The following ZDHHC13 variants were observed in gnomAD, a reference collection of about 807,000 sequenced individuals.
The protein encoded by ZDHHC13 is palmitoyltransferase ZDHHC13.
In ZDHHC13, 85 loss-of-function variants were observed where a neutral mutation model predicts 86.0. The observed-to-expected ratio is 0.99, with a 90% CI of 0.83 to 1.18. The LOEUF is 1.18. ZDHHC13 is among the 50% of genes most tolerant of loss of function. ZDHHC13 has a pLI of 0.00. For synonymous variants in ZDHHC13, 263 were observed against 246.4 expected (o/e 1.07, Z -0.63); for missense variants, 711 against 730.2 (o/e 0.97, Z 0.30).
At chr11:19,132,761 G>GTTTTTT (rs1223465469) in intron 1 of ZDHHC13, among the ~76,000 whole-genome samples, 36 of 152,110 alleles carry the variant, frequency 2.4e-4, no homozygotes, top group African/African-American at 8.4e-4. Flanking sequence ...TATTTGTTTT[G>GTTTTTT]TTTTGTTTTT....
intron 1 of ZDHHC13, among the ~76,000 whole-genome samples, chr11:19,118,324 A>T (rs976181968): frequency 6.6e-6 from 1 of 152,130 alleles, no homozygotes; most frequent in African/African-American, 2.4e-5. Context: ...TTTCAGCACG[A>T]TCTTGTGTAG....
chr11:19,165,200 T>C (rs557206885), intron 13 of ZDHHC13, 55 bp downstream of exon 13: 1 of 1,538,170 alleles, frequency 6.5e-7, no homozygotes, highest in East Asian at 2.4e-5. Context: ...TGTTTAGTTA[T>C]GACTCACAGA....
At chr11:19,174,879 A>C (rs1404984848) in intron 16 of ZDHHC13, among the ~76,000 whole-genome samples, 2 of 152,212 alleles carry the variant, frequency 1.3e-5, no homozygotes, top group Non-Finnish European at 2.9e-5. Context: ...AGATGCACAG[A>C]GGAGCTAGAA....
At chr11:19,168,975 T>A (rs1850146249) in intron 14 of ZDHHC13, 1 of 985,432 alleles carries the variant, frequency 1.0e-6, no homozygotes, top group Non-Finnish European at 1.2e-6. Context: ...TGATGTGAGT[T>A]CCCTACCATT....
Position 19,117,272 on chromosome 11 carries a change from C to T in ZDHHC13, c.23C>T (p.Ser8Leu), listed in dbSNP as rs912261414. The T allele has an allele frequency of 2.7e-6, 4 of 1,485,418 alleles. No individual in the cohort carries two copies. Among genetic ancestry groups the T allele is most frequent in the Admixed American group, 4.4e-5 (2 of 45,454 alleles). 92.0% of individuals were successfully genotyped at this position (1,485,418 alleles called of 1,614,324 possible). Residue 8 changes from serine to leucine, a missense_variant, in exon 1 of 17, where the codon TCG becomes TTG. Ser to Leu is a moderately radical substitution (Grantham distance 145). Coordinates refer to ENST00000446113, the MANE Select transcript of ZDHHC13 (RefSeq NM_019028.3). The surrounding 1 kb of genome is among the most constrained non-coding windows in gnomAD (Gnocchi z 4.2). ...GAGATGGAGGGGCCGGGGCTGGGCT[C>T]GCAGGTGAGTGCGGCCGGGCGGTGG... is the stretch of plus-strand genomic sequence containing the variant. The part of the protein sequence containing the change: MEGPGLG[S>L]QCRNHSHGPH...
At chr11:19,167,472 C>T (rs1850103360) in intron 14 of ZDHHC13, 1 of 152,162 alleles carries the variant, frequency 6.6e-6, no homozygotes, top group African/African-American at 2.4e-5. Flanking sequence ...CCCAGTTTCC[C>T]TCCCTAGAAA....
At chr11:19,130,743 G>A (rs887167851) in intron 1 of ZDHHC13, among the ~76,000 whole-genome samples, 2 of 151,970 alleles carry the variant, frequency 1.3e-5, no homozygotes, top group Non-Finnish European at 1.5e-5. Flanking sequence ...TAAAACTGTT[G>A]TGCTGTTGCT....
chr11:19,133,749 G>A (rs1849055555), intron 1 of ZDHHC13, among the ~76,000 whole-genome samples: 1 of 151,738 alleles, frequency 6.6e-6, no homozygotes, highest in African/African-American at 2.4e-5. Context: ...AAAGCAAAAA[G>A]TAATTATAAC....
At chr11:19,135,112 C>T (rs1208713987) in intron 1 of ZDHHC13, among the ~76,000 whole-genome samples, 1 of 152,192 alleles carries the variant, frequency 6.6e-6, no homozygotes, top group Non-Finnish European at 1.5e-5. Flanking sequence ...CAGCTCCCAG[C>T]GCGAGCGACG....
chr11:19,161,934 C>G (rs780502037), intron 10 of ZDHHC13, among the ~76,000 whole-genome samples: 4 of 152,088 alleles, frequency 2.6e-5, no homozygotes, highest in Non-Finnish European at 5.9e-5. Context: ...CAAAAGACAA[C>G]AGCAGCTTCT....
At chr11:19,139,045 TG>T (rs1197229601) in intron 1 of ZDHHC13, among the ~76,000 whole-genome samples, 1 of 152,080 alleles carries the variant, frequency 6.6e-6, no homozygotes, top group Non-Finnish European at 1.5e-5. Flanking sequence ...TTCAACATAG[TG>T]TTGGAAGTTC....
chr11:19,143,772 C>T lies in ZDHHC13; in HGVS notation c.173+649C>T, dbSNP rs571204728. Among the ~76,000 whole-genome samples the T allele has an allele frequency of 4.6e-5, 7 of 152,296 alleles. 1 individual carries two copies. The East Asian group carries it at 1.3e-3, about 29-fold the overall frequency. ...TTTGCATTAAGTCAATTATTTCCAA[C>T]ATTTTCACCTTCATGGATCTTGTTG... On this transcript the variant is annotated intron_variant, in intron 2 of 16. Transcript: ENST00000446113.
Position 19,117,609 on chromosome 11 carries a change from G to A in ZDHHC13, c.27+333G>A. 1 of 317,794 alleles carries A rather than the reference G, an allele frequency of 3.1e-6. No individual in the cohort carries two copies. The highest frequency in any genetic ancestry group is 5.7e-6 in the Non-Finnish European group (1 of 174,018). The allele number at this position is 317,794 out of a possible 1,614,324, so 19.7% of individuals were successfully genotyped here. A position where few individuals can be genotyped will look rare whatever the true frequency, so the allele number is the denominator to read the frequency against. On this transcript the variant is annotated intron_variant, in intron 1 of 16. Coordinates refer to ENST00000446113, the MANE Select transcript of ZDHHC13 (RefSeq NM_019028.3). The surrounding 1 kb of genome is among the most constrained non-coding windows in gnomAD (Gnocchi z 4.2). The stretch of plus-strand genomic sequence containing the variant: ...GGGACGATGGCCCTTCCCGGGAGAG[G>A]TGTCAGGTGACACACCTGATTCGGA...
intron 1 of ZDHHC13, chr11:19,118,074 A>G (rs1333530642): frequency 1.3e-5 from 2 of 152,258 alleles, no homozygotes; most frequent in East Asian, 3.8e-4. Context: ...TTCCAGGTTC[A>G]GCCAGTTTTA....
intron 12 of ZDHHC13, 125 bp downstream of exon 12, chr11:19,164,488 T>C: frequency 2.3e-6 from 2 of 885,896 alleles, no homozygotes; most frequent in Non-Finnish European, 1.7e-6. Context: ...TTTCTAATTT[T>C]ACATTCCTGT....
chr11:19,117,649 C>T lies in ZDHHC13; in HGVS notation c.27+373C>T. 4.0e-6 allele frequency: 1 copy of T among 251,402 alleles called. No homozygotes were observed. The highest frequency in any genetic ancestry group is 7.1e-5 in the East Asian group (1 of 14,028). The allele number at this position is 251,402 out of a possible 1,614,324, so 15.6% of individuals were successfully genotyped here. A position where few individuals can be genotyped will look rare whatever the true frequency, so the allele number is the denominator to read the frequency against. ...CCTGATTCGGACCCGCCCGTCTTGA[C>T]GTTGGCCCGGAGTCGGAGCGGTTCT... On this transcript the variant is annotated intron_variant, in intron 1 of 16. Transcript: ENST00000446113. This position sits in a 1 kb window ranked among gnomAD's most constrained non-coding sequence, Gnocchi z 4.2.
chr11:19,163,295 G>C lies in ZDHHC13; in HGVS notation c.1109-8G>C, dbSNP rs1249916402. 1 of 1,572,542 alleles carries C rather than the reference G, an allele frequency of 6.4e-7. No individual in the cohort carries two copies. Among genetic ancestry groups the C allele is most frequent in the Admixed American group, 2.0e-5 (1 of 49,644 alleles). Reference sequence around the variant, plus strand: ...GAAGTTTGGTGTATTCCTTAACTTGGCTTTAACATTTAGCAGGAGCCCCTT... The same window carrying C: ...GAAGTTTGGTGTATTCCTTAACTTGCCTTTAACATTTAGCAGGAGCCCCTT... On this transcript the variant is annotated splice_polypyrimidine_tract_variant and splice_region_variant and intron_variant, in intron 10 of 16. Transcript: ENST00000446113.
chr11:19,147,745 T>C (rs1402537362), intron 4 of ZDHHC13, 72 bp downstream of exon 4: 22 of 1,144,498 alleles, frequency 1.9e-5, no homozygotes, highest in African/African-American at 3.0e-5. Flanking sequence ...AAATCAGTTA[T>C]AGACGATTTG....
Position 19,164,355 on chromosome 11 carries a change from T to C in ZDHHC13, c.1288T>C (p.Ser430Pro). The C allele has an allele frequency of 6.2e-7, 1 of 1,613,000 alleles. No homozygotes were observed. Among genetic ancestry groups the C allele is most frequent in the Non-Finnish European group, 8.5e-7 (1 of 1,179,408 alleles). ...GSLDFRTFCT[S>P]CLIRKPLRSL... ...TCTGGACTTCAGAACATTTTGTACATCATGTCTTGTGAGTTTTTTCATATA... is the reference window on the plus strand; with the variant it reads ...TCTGGACTTCAGAACATTTTGTACACCATGTCTTGTGAGTTTTTTCATATA... Residue 430 changes from serine to proline, a missense_variant, in exon 12 of 17, where the codon TCA becomes CCA. Transcript: ENST00000446113.
Sources: gnomAD v4.1 joint callset for allele counts (sites outside exome capture counted in the v4.1 genomes callset) on GRCh38, gnomAD v4.1.1 for gene constraint, Gnocchi (gnomAD v3.1) non-coding constraint, MANE v1.5 for transcripts, NCBI Gene and HGNC (gene_info 2026-07-23, HGNC 2026-07-21) for gene names.